ADCY1: variants seen among roughly 807,000 people sequenced by gnomAD.
ADCY1 encodes adenylate cyclase 1.
A neutral mutation model predicts 105.4 loss-of-function variants in ADCY1; 28 were observed. The observed-to-expected ratio is 0.27, with a 90% CI of 0.20 to 0.36. The LOEUF is 0.36. Among genes scored for constraint, ADCY1 ranks in the 10% least tolerant of loss-of-function variants. ADCY1 has a pLI of 1.00. For synonymous variants in ADCY1, 655 were observed against 623.8 expected, an observed-to-expected ratio of 1.05 and a Z score of -0.75; for missense variants, 977 against 1,434.2, an observed-to-expected ratio of 0.68 and a Z score of 5.15.
chr7:45,615,170 C>G (rs1424803799), intron 3 of ADCY1, among the ~76,000 whole-genome samples: 1 of 152,138 alleles, frequency 6.6e-6, no homozygotes, highest in Admixed American at 6.5e-5. Flanking sequence ...TATCAGGTAT[C>G]TTTTCTGATC....
intron 12 of ADCY1, among the ~76,000 whole-genome samples, chr7:45,685,632 C>T (rs1350982996): frequency 7.3e-6 from 1 of 137,444 alleles, no homozygotes; most frequent in Non-Finnish European, 1.6e-5. Context: ...CAGGACAGAG[C>T]CGGGGGCAGG....
At chr7:45,602,606 G>A (rs1215014093) in intron 2 of ADCY1, among the ~76,000 whole-genome samples, 4 of 152,226 alleles carry the variant, frequency 2.6e-5, no homozygotes, top group African/African-American at 9.6e-5. Context: ...TTCCATTTAA[G>A]TGATGCAGTA....
chr7:45,649,862 A>G (rs949243503), intron 5 of ADCY1, among the ~76,000 whole-genome samples: 1 of 152,246 alleles, frequency 6.6e-6, no homozygotes, highest in African/African-American at 2.4e-5. Context: ...CTCCACCTCA[A>G]GAGCCCGAGG....
At chr7:45,619,520 A>C (rs1793834180) in intron 3 of ADCY1, among the ~76,000 whole-genome samples, 1 of 152,166 alleles carries the variant, frequency 6.6e-6, no homozygotes, top group African/African-American at 2.4e-5. Flanking sequence ...ATATATGTGC[A>C]TATATACAAA....
At chr7:45,619,599 A>G (rs1026841302) in intron 3 of ADCY1, among the ~76,000 whole-genome samples, 4 of 152,190 alleles carry the variant, frequency 2.6e-5, no homozygotes, top group Non-Finnish European at 5.9e-5. Flanking sequence ...TTTCAACAAT[A>G]TGTATGGAGC....
Position 45,703,699 on chromosome 7 carries a change from G to A in ADCY1, c.2671G>A (p.Val891Met), listed in dbSNP as rs1373807939. 3 of 1,609,516 alleles carry A rather than the reference G, an allele frequency of 1.9e-6. No homozygotes were observed. Among genetic ancestry groups the A allele is most frequent in the South Asian group, 1.1e-5 (1 of 90,272 alleles). ...CGAGCTGGACGGCAACAACATGGGG[G>A]TGGAGTGTCTGCGGCTTCTCAACGA... The part of the protein sequence containing the change: ...YIELDGNNMG[V>M]ECLRLLNEII... The change falls in exon 16 of 20, where the codon GTG becomes ATG. Residue 891 changes from valine (V) to methionine (M), a missense_variant. Around this residue, in one of 7 missense-constraint regions of ADCY1, gnomAD observed 152 missense variants for 293.7 expected, o/e 0.52. Transcript: ENST00000297323. This position sits in a 1 kb window ranked among gnomAD's most constrained non-coding sequence, Gnocchi z 5.9.
At chr7:45,660,917 A>G (rs567411498) in intron 7 of ADCY1, among the ~76,000 whole-genome samples, 1 of 145,444 alleles carries the variant, frequency 6.9e-6, no homozygotes, top group East Asian at 2.1e-4. Flanking sequence ...GCAGGGCTCA[A>G]TTGAGGGTGT....
At chr7:45,623,475 A>G (rs1793962282) in intron 4 of ADCY1, among the ~76,000 whole-genome samples, 2 of 152,206 alleles carry the variant, frequency 1.3e-5, no homozygotes, top group Non-Finnish European at 2.9e-5. Flanking sequence ...TCTCCCCCAC[A>G]GAATGTGCTG....
At chr7:45,696,416 GC>G (rs1381167843) in intron 14 of ADCY1, among the ~76,000 whole-genome samples, 1 of 145,580 alleles carries the variant, frequency 6.9e-6, no homozygotes, top group Non-Finnish European at 1.5e-5. Flanking sequence ...TCCAGCCTGG[GC>G]GACAGAGCTA....
At chr7:45,624,533 G>A (rs1053293990) in intron 4 of ADCY1, among the ~76,000 whole-genome samples, 1 of 152,060 alleles carries the variant, frequency 6.6e-6, no homozygotes, top group African/African-American at 2.4e-5. Flanking sequence ...TTTACAACTG[G>A]ATCTCAAGAC....
At chr7:45,652,601 C>T (rs1446312884) in intron 5 of ADCY1, among the ~76,000 whole-genome samples, 2 of 152,204 alleles carry the variant, frequency 1.3e-5, no homozygotes, top group Non-Finnish European at 2.9e-5. Context: ...CTTTTCTGAT[C>T]TGTAAACCTA....
At chr7:45,624,594 C>T (rs112939522) in intron 4 of ADCY1, among the ~76,000 whole-genome samples, 4,245 of 152,236 alleles carry the variant, frequency 0.028, 79 homozygotes, top group African/African-American at 0.047. Context: ...CATTGATAGC[C>T]TGGGCCAAAG....
At chr7:45,605,430 T>C in intron 2 of ADCY1, among the ~76,000 whole-genome samples, 1 of 152,186 alleles carries the variant, frequency 6.6e-6, no homozygotes, top group Admixed American at 6.5e-5. Flanking sequence ...TCAATGTTTG[T>C]TAGGTGTAGG....
At chr7:45,594,704 A>G (rs79046046) in intron 2 of ADCY1, among the ~76,000 whole-genome samples, 10,745 of 152,118 alleles carry the variant, frequency 0.071, 385 homozygotes, top group African/African-American at 0.082. Context: ...GTAAGCAAGG[A>G]ATTTTTTCCT....
intron 1 of ADCY1, among the ~76,000 whole-genome samples, chr7:45,589,306 G>A (rs1424050395): frequency 2.0e-5 from 3 of 152,172 alleles, no homozygotes; most frequent in Non-Finnish European, 2.9e-5. Flanking sequence ...AGGGAGTGTG[G>A]TGGTGGTGTG....
chr7:45,660,886 G>A (rs1173456665), intron 7 of ADCY1, among the ~76,000 whole-genome samples: 1 of 151,234 alleles, frequency 6.6e-6, no homozygotes, highest in East Asian at 2.0e-4. Context: ...CTCAGGTGAG[G>A]TGTTCAGGGC....
At chr7:45,695,222 T>TAA (rs1157313337) in intron 14 of ADCY1, among the ~76,000 whole-genome samples, 1 of 152,232 alleles carries the variant, frequency 6.6e-6, no homozygotes, top group Non-Finnish European at 1.5e-5. Flanking sequence ...CTGTTTTATA[T>TAA]ATTTTGTGTG....
chr7:45,687,764 G>A (rs1346893349), intron 14 of ADCY1, among the ~76,000 whole-genome samples: 1 of 152,366 alleles, frequency 6.6e-6, no homozygotes, highest in Non-Finnish European at 1.5e-5. Context: ...CCAGAGTCGG[G>A]CAGCCAGAAG....
intron 14 of ADCY1, among the ~76,000 whole-genome samples, chr7:45,691,367 G>A (rs1353723659): frequency 2.6e-5 from 4 of 152,188 alleles, no homozygotes; most frequent in South Asian, 4.1e-4. Flanking sequence ...CTGCTTTCCC[G>A]TAACCCTAGC....
Sources: allele counts gnomAD v4.1 joint callset (sites outside exome capture counted in the v4.1 genomes callset), GRCh38; gene constraint gnomAD v4.1.1; regional missense constraint gnomAD v4.1.1; non-coding constraint Gnocchi (gnomAD v3.1); transcripts MANE v1.5; gene names NCBI Gene and HGNC (gene_info 2026-07-23, HGNC 2026-07-21).